ARGLU1: variants seen among roughly 807,000 people sequenced by gnomAD.
The protein encoded by ARGLU1 is arginine and glutamate-rich protein 1.
In ARGLU1, 9 loss-of-function variants were observed where a neutral mutation model predicts 37.6. The ratio of observed to expected loss-of-function variants is 0.24; its 90% CI spans 0.14 to 0.42. ARGLU1 has a LOEUF of 0.42. Among genes scored for constraint, ARGLU1 ranks in the 10% least tolerant of loss-of-function variants. ARGLU1 has a pLI of 1.00. For missense variants in ARGLU1, 211 were observed against 359.2 expected, an observed-to-expected ratio of 0.59 and a Z score of 3.34; for synonymous variants, 166 against 138.5, an observed-to-expected ratio of 1.20 and a Z score of -1.39.
chr13:106,563,666 A>G (rs1167627455), intron 1 of ARGLU1, among the ~76,000 whole-genome samples: 1 of 152,150 alleles, frequency 6.6e-6, no homozygotes, highest in Non-Finnish European at 1.5e-5. Context: ...AAATGAATAC[A>G]TATTCTTAAC....
intron 3 of ARGLU1, among the ~76,000 whole-genome samples, 181 bp downstream of exon 3, chr13:106,556,867 G>C (rs1880672956): frequency 6.6e-6 from 1 of 152,136 alleles, no homozygotes; most frequent in Non-Finnish European, 1.5e-5. Context: ...TTGGAGTTCT[G>C]TCCAGATTGG....
chr13:106,564,184 T>G (rs1324247174), intron 1 of ARGLU1, among the ~76,000 whole-genome samples: 1 of 152,200 alleles, frequency 6.6e-6, no homozygotes, highest in Admixed American at 6.5e-5. Flanking sequence ...AAGGCCTACC[T>G]TCTCAGCATT....
chr13:106,558,925 G>C lies in ARGLU1; in HGVS notation c.573+507C>G, dbSNP rs539327187. On this transcript the variant is annotated intron_variant, in intron 2 of 3. Transcript: ENST00000400198. ...GCAGGGTTTAGGGGAGGGAGTGAGG[G>C]ATAAAAGAAGGAAAAAAAGAAGAGT... is the stretch of plus-strand genomic sequence containing the variant. 27 of 984,014 alleles carry C rather than the reference G, an allele frequency of 2.7e-5. No individual in the cohort carries two copies. In the East Asian group the frequency reaches 2.2e-3, roughly 79 times the overall value. 61.0% of individuals were successfully genotyped at this position (984,014 alleles called of 1,614,324 possible).
intron 1 of ARGLU1, among the ~76,000 whole-genome samples, chr13:106,565,519 A>G (rs769657148): frequency 9.9e-5 from 15 of 152,228 alleles, no homozygotes; most frequent in African/African-American, 2.7e-4. Context: ...GAGAAGGGCC[A>G]ATCATCTTTA....
At chr13:106,565,323 G>A (rs1880931208) in intron 1 of ARGLU1, among the ~76,000 whole-genome samples, 1 of 152,168 alleles carries the variant, frequency 6.6e-6, no homozygotes, top group African/African-American at 2.4e-5. Flanking sequence ...TTTGGCAGGA[G>A]TCGGGGGAGG....
chr13:106,552,198 G>A (rs902966768), intron 3 of ARGLU1, among the ~76,000 whole-genome samples: 1 of 152,162 alleles, frequency 6.6e-6, no homozygotes, highest in Non-Finnish European at 1.5e-5. Flanking sequence ...TCAAACTGCT[G>A]AGATAACAAA....
chr13:106,559,198 C>T, intron 2 of ARGLU1: 1 of 1,483,580 alleles, frequency 6.7e-7, no homozygotes, highest in African/African-American at 1.4e-5. Flanking sequence ...TAGCCAGTTC[C>T]ATTAAATCAA....
At chr13:106,545,429 A>T (rs1594187043) in intron 3 of ARGLU1, among the ~76,000 whole-genome samples, 2 of 152,156 alleles carry the variant, frequency 1.3e-5, no homozygotes, top group East Asian at 3.9e-4. Flanking sequence ...GTATGGTCAA[A>T]ATCTATCAAA....
At position 106,567,773 on chromosome 13, in the gene ARGLU1, G is replaced by A. The variant is rs769623682; in HGVS notation, c.147C>T (p.Asn49=). 6.2e-7 allele frequency: 1 copy of A among 1,613,190 alleles called. No homozygotes were observed. Residue 49 remains asparagine, a synonymous_variant, in exon 1 of 4, where the codon AAC becomes AAT. Transcript: ENST00000400198. The surrounding 1 kb of genome is among the most constrained non-coding windows in gnomAD (Gnocchi z 4.3). The part of the protein sequence containing the change: ...KRSKSRESKR[N]RRRESRSRSR... Reference sequence around the variant, plus strand: ...AACGGGACCGCGACTCCCGCCGCCGGTTCCGTTTACTTTCCCGAGATTTGG... The same window carrying A: ...AACGGGACCGCGACTCCCGCCGCCGATTCCGTTTACTTTCCCGAGATTTGG...
intron 1 of ARGLU1, among the ~76,000 whole-genome samples, chr13:106,565,378 A>T (rs1226603530): frequency 6.6e-6 from 1 of 152,152 alleles, no homozygotes; most frequent in Non-Finnish European, 1.5e-5. Context: ...CTTGCCTGAC[A>T]TTGTCATATT....
rs1394644465 is a variant in ARGLU1, at chr13:106,541,887, C to T, written c.*2109G>A. On this transcript the variant is annotated 3_prime_UTR_variant, in exon 4 of 4. Coordinates refer to ENST00000400198, the MANE Select transcript of ARGLU1 (RefSeq NM_018011.4). ...GGGAAATTTTTAAGTTTTCTATGTA[C>T]ACAAAGGCAGTGGGAACAAATGAAA... 2.6e-5 allele frequency: 4 copies of T among 152,016 alleles called. No homozygotes were observed. Among genetic ancestry groups the T allele is most frequent in the Admixed American group, 6.6e-5 (1 of 15,266 alleles). 9.4% of individuals were successfully genotyped at this position (152,016 alleles called of 1,614,324 possible). A position where few individuals can be genotyped will look rare whatever the true frequency, so the allele number is the denominator to read the frequency against.
At chr13:106,562,940 GCCACTGCA>G (rs1385152372) in intron 1 of ARGLU1, among the ~76,000 whole-genome samples, 1 of 135,472 alleles carries the variant, frequency 7.4e-6, no homozygotes, top group Non-Finnish European at 1.5e-5. Flanking sequence ...CTGAGATTGC[GCCACTGCA>G]CCACTGCACT....
At chr13:106,562,449 A>C (rs1477550044) in intron 1 of ARGLU1, among the ~76,000 whole-genome samples, 2 of 152,120 alleles carry the variant, frequency 1.3e-5, no homozygotes, top group Non-Finnish European at 2.9e-5. Context: ...AACTTTCTTG[A>C]GTGGGTCAGT....
intron 1 of ARGLU1, among the ~76,000 whole-genome samples, chr13:106,562,701 C>T (rs1158651875): frequency 6.6e-6 from 1 of 152,010 alleles, no homozygotes; most frequent in Non-Finnish European, 1.5e-5. Flanking sequence ...ATTTTAAAAA[C>T]ACTAGTCAGG....
At position 106,567,758 on chromosome 13, in the gene ARGLU1, C is replaced by T. The variant is rs369932608; in HGVS notation, c.162G>A (p.Ser54=). The change falls in exon 1 of 4, where the codon TCG becomes TCA. Residue 54 remains serine, a synonymous_variant. Coordinates refer to ENST00000400198, the MANE Select transcript of ARGLU1 (RefSeq NM_018011.4). The surrounding 1 kb of genome is among the most constrained non-coding windows in gnomAD (Gnocchi z 4.3). ...TGTTGGTGGAGCGCGAACGGGACCGCGACTCCCGCCGCCGGTTCCGTTTAC... is the reference window on the plus strand; with the variant it reads ...TGTTGGTGGAGCGCGAACGGGACCGTGACTCCCGCCGCCGGTTCCGTTTAC... The part of the protein sequence containing the change: ...RESKRNRRRE[S]RSRSRSTNTA... 6.2e-7 allele frequency: 1 copy of T among 1,612,216 alleles called. No homozygotes were observed. Among genetic ancestry groups the T allele is most frequent in the Non-Finnish European group, 8.5e-7 (1 of 1,179,324 alleles).
At chr13:106,561,794 G>T (rs899901859) in intron 1 of ARGLU1, 2 of 152,172 alleles carry the variant, frequency 1.3e-5, no homozygotes, top group Admixed American at 1.3e-4. Flanking sequence ...CATAGCTTTG[G>T]TCAGTAAGGA....
In ARGLU1 at chr13:106,542,129, TAAAAA is replaced by T. The variant is rs922901740; in HGVS notation, c.*1862_*1866del. On this transcript the variant is annotated 3_prime_UTR_variant, in exon 4 of 4. Transcript: ENST00000400198. The stretch of plus-strand genomic sequence containing the variant: ...ACACCATATGTGGCAGTAAGAAACT[TAAAAA>T]AAAAATTAAAAGGCACGCATAAGCT... 2 of 150,158 alleles carry T rather than the reference TAAAAA, an allele frequency of 1.3e-5. No homozygotes were observed. Among genetic ancestry groups the T allele is most frequent in the Non-Finnish European group, 3.0e-5 (2 of 67,442 alleles). 9.3% of individuals were successfully genotyped at this position (150,158 alleles called of 1,614,324 possible). A position where few individuals can be genotyped will look rare whatever the true frequency, so the allele number is the denominator to read the frequency against.
In ARGLU1 at chr13:106,567,266, G is replaced by A. The variant is rs1015080533; in HGVS notation, c.347+307C>T. Among the ~76,000 whole-genome samples, 10 of 151,818 alleles carry A rather than the reference G, an allele frequency of 6.6e-5. No homozygotes were observed. Among genetic ancestry groups the A allele is most frequent in the Non-Finnish European group, 1.2e-4 (8 of 67,950 alleles). ...CAACGCAGCTCTCCGACCTCACTCC[G>A]AACTCCACCCCTACTTCCGGGACAC... On this transcript the variant is annotated intron_variant, in intron 1 of 3. Coordinates refer to ENST00000400198, the MANE Select transcript of ARGLU1 (RefSeq NM_018011.4). This position sits in a 1 kb window ranked among gnomAD's most constrained non-coding sequence, Gnocchi z 4.3.
intron 2 of ARGLU1, chr13:106,558,613 TC>T: frequency 1.0e-6 from 1 of 985,408 alleles, no homozygotes; most frequent in Non-Finnish European, 1.2e-6. Context: ...CCTGGAGTAA[TC>T]AGTGCAAACA....
Sources: gnomAD v4.1 joint callset for allele counts (sites outside exome capture counted in the v4.1 genomes callset) on GRCh38, gnomAD v4.1.1 for gene constraint, Gnocchi (gnomAD v3.1) non-coding constraint, MANE v1.5 for transcripts, NCBI Gene and HGNC (gene_info 2026-07-23, HGNC 2026-07-21) for gene names.